KCTD18: variants seen among roughly 807,000 people sequenced by gnomAD.
KCTD18 encodes the protein potassium channel tetramerization domain containing 18.
KCTD18 carries 22 observed loss-of-function variants against 30.4 expected under a neutral mutation model. That is an observed-to-expected ratio of 0.72 (90% CI 0.52 to 1.03). KCTD18 has a LOEUF of 1.03. KCTD18 is among the 50% of genes least tolerant of loss of function. KCTD18 has a pLI of 0.00. For synonymous variants in KCTD18, 186 were observed against 209.0 expected (o/e 0.89, Z 0.95); for missense variants, 529 against 547.6 (o/e 0.97, Z 0.34).
chr2:200,498,472 G>A (rs1395857137), intron 4 of KCTD18, among the ~76,000 whole-genome samples: 3 of 152,180 alleles, frequency 2.0e-5, no homozygotes, highest in Middle Eastern at 3.2e-3. Context: ...CAAGTGCTTC[G>A]TCATTTCTCA....
chr2:200,493,203 T>C lies in KCTD18; in HGVS notation c.733A>G (p.Ser245Gly), dbSNP rs752431948. The change falls in exon 6 of 7, where the codon AGC becomes GGC. Residue 245 changes from serine (S) to glycine (G), a missense_variant. Ser to Gly is a moderately conservative substitution (Grantham distance 56). Transcript: ENST00000359878. Reference protein sequence around the residue: ...WTLEERPLLGSLRHMAPIRKR... With the variant: ...WTLEERPLLGGLRHMAPIRKR... The stretch of plus-strand genomic sequence containing the variant: ...CGAATTGGAGCCATGTGACGCAGGC[T>C]TCCAAGTAAAGGCCGTTCTTCTAGA... 8.7e-6 allele frequency: 14 copies of C among 1,612,618 alleles called. No individual in the cohort carries two copies. The highest frequency in any genetic ancestry group is 1.2e-5 in the Non-Finnish European group (14 of 1,178,848).
rs1047175861 is a variant in KCTD18, at chr2:200,500,410, G to A, written c.373-1326C>T. 2.2e-3 allele frequency among the ~76,000 whole-genome samples: 328 copies of A among 152,170 alleles called. 1 individual carries two copies. The highest frequency in any genetic ancestry group is 7.5e-3 in the African/African-American group (313 of 41,496). On this transcript the variant is annotated intron_variant, in intron 3 of 6. Coordinates refer to ENST00000359878, the MANE Select transcript of KCTD18 (RefSeq NM_152387.4). ...CTGTCTCAGCCCAAAATCTCCTTAAGCTGATAAGCAACTTCAGCAAAGTCT... is the reference window on the plus strand; with the variant it reads ...CTGTCTCAGCCCAAAATCTCCTTAAACTGATAAGCAACTTCAGCAAAGTCT...
In KCTD18 at chr2:200,490,382, G is replaced by A. The variant is rs774348783; in HGVS notation, c.999C>T (p.Ala333=). The part of the protein sequence containing the change: ...AQRSAPSRAT[A]LVGTGAPGHP... ...GCCCAGGTGCCCCCGTGCCCACCAG[G>A]GCCGTGGCTCTGGAAGGTGCAGAGC... The change falls in exon 7 of 7, where the codon GCC becomes GCT. Residue 333 remains alanine (A), a synonymous_variant. Transcript: ENST00000359878. The A allele has an allele frequency of 6.2e-7, 1 of 1,614,084 alleles. No individual in the cohort carries two copies. Among genetic ancestry groups the A allele is most frequent in the African/African-American group, 1.3e-5 (1 of 74,930 alleles).
In KCTD18 at chr2:200,493,186, A is replaced by T; in HGVS notation, c.750T>A (p.Ala250=). The part of the protein sequence containing the change: ...RPLLGSLRHM[A]PIRKRRLITF... ...GCATAGATAACCTCTTTCGAATTGG[A>T]GCCATGTGACGCAGGCTTCCAAGTA... Residue 250 remains alanine (A), a synonymous_variant, in exon 6 of 7, where the codon GCT becomes GCA. Coordinates refer to ENST00000359878, the MANE Select transcript of KCTD18 (RefSeq NM_152387.4). The T allele has an allele frequency of 1.2e-6, 2 of 1,607,700 alleles. No homozygotes were observed. Among genetic ancestry groups the T allele is most frequent in the Non-Finnish European group, 1.7e-6 (2 of 1,174,172 alleles).
At chr2:200,493,026 T>C in intron 6 of KCTD18, 146 bp downstream of exon 6, 2 of 592,974 alleles carry the variant, frequency 3.4e-6, no homozygotes, top group Non-Finnish European at 6.0e-6. Context: ...TCAAGATCTA[T>C]ATTTTGATGG....
intron 1 of KCTD18, among the ~76,000 whole-genome samples, chr2:200,507,885 GC>G (rs2030281532): frequency 6.6e-6 from 1 of 152,032 alleles, no homozygotes; most frequent in Non-Finnish European, 1.5e-5. Context: ...TGTTGCCCAG[GC>G]TAGTCTTGAA....
At position 200,499,003 on chromosome 2, in the gene KCTD18, CA is replaced by C. The variant is rs775775945; in HGVS notation, c.453del (p.Gly152ValfsTer53). ...TVWVLHYLNT[S>X]GASCESRIIG... Reference sequence around the variant, plus strand: ...ATAATTCTACTCTCACAGCTTGCACCAGATGTGTTAAGATAGTGGAGAACCC... The same window carrying C: ...ATAATTCTACTCTCACAGCTTGCACCGATGTGTTAAGATAGTGGAGAACCC... On this transcript the variant is annotated frameshift_variant, in exon 4 of 7. Transcript: ENST00000359878. LOFTEE classifies it high-confidence loss of function. 6.2e-7 allele frequency: 1 copy of C among 1,613,878 alleles called. No individual in the cohort carries two copies. The highest frequency in any genetic ancestry group is 1.1e-5 in the South Asian group (1 of 91,066).
rs2087890773 is a variant in KCTD18 at position 200,490,289 on chromosome 2, C to T, written c.1092G>A (p.Val364=). The T allele has an allele frequency of 6.2e-7, 1 of 1,614,116 alleles. No individual in the cohort carries two copies. The highest frequency in any genetic ancestry group is 1.7e-5 in the Admixed American group (1 of 60,000). Reference sequence around the variant, plus strand: ...GTGTAGGCTTCTTGTCGGAGAGTAGCACCTTAGCTGGAGGTAAGTGCGTGC... The same window carrying T: ...GTGTAGGCTTCTTGTCGGAGAGTAGTACCTTAGCTGGAGGTAAGTGCGTGC... ...NGGTHLPPAK[V]LLSDKKPTPQ... The change falls in exon 7 of 7, where the codon GTG becomes GTA. Residue 364 remains valine (V), a synonymous_variant. Transcript: ENST00000359878.
rs1288769993 is a variant in KCTD18 at position 200,509,938 on chromosome 2, G to A, written c.-386C>T. On this transcript the variant is annotated 5_prime_UTR_variant, in exon 1 of 7. Coordinates refer to ENST00000359878, the MANE Select transcript of KCTD18 (RefSeq NM_152387.4). ...CTCAGGGCGCCCCGCCGCCTTCCGG[G>A]CCCGCGGCCCATCCCGCGCCCGGCT... 1 of 150,860 alleles carries A rather than the reference G, an allele frequency of 6.6e-6. No homozygotes were observed. Among genetic ancestry groups the A allele is most frequent in the Non-Finnish European group, 1.5e-5 (1 of 67,702 alleles). The allele number at this position is 150,860 out of a possible 1,614,324, so 9.3% of individuals were successfully genotyped here.
chr2:200,498,757 T>A, intron 4 of KCTD18, 134 bp downstream of exon 4: 2 of 723,222 alleles, frequency 2.8e-6, no homozygotes, highest in Middle Eastern at 7.7e-4. Flanking sequence ...CTATCTCAAC[T>A]GCTATGATGG....
At chr2:200,507,825 T>G (rs1344689024) in intron 1 of KCTD18, among the ~76,000 whole-genome samples, 1 of 152,180 alleles carries the variant, frequency 6.6e-6, no homozygotes, top group Admixed American at 6.5e-5. Context: ...AGATTATAAT[T>G]CTTCTTTTAA....
At chr2:200,504,999 G>T in intron 2 of KCTD18, 40 bp from the exon 3 acceptor site, 1 of 1,503,856 alleles carries the variant, frequency 6.6e-7, no homozygotes, top group Non-Finnish European at 9.2e-7. Context: ...TAGAGATTCT[G>T]TCGATCAATA....
intron 3 of KCTD18, among the ~76,000 whole-genome samples, chr2:200,503,158 G>C (rs913522285): frequency 6.6e-6 from 1 of 152,224 alleles, no homozygotes; most frequent in South Asian, 2.1e-4. Context: ...CTTTACTGCT[G>C]TAAGTACTCT....
At chr2:200,499,898 GAATCCAGCA>G (rs1559184352) in intron 3 of KCTD18, among the ~76,000 whole-genome samples, 2 of 148,996 alleles carry the variant, frequency 1.3e-5, no homozygotes, top group Admixed American at 6.7e-5. Flanking sequence ...CTAGCAAACC[GAATCCAGCA>G]GCACATCAAA....
At chr2:200,492,633 C>T (rs2087936623) in intron 6 of KCTD18, among the ~76,000 whole-genome samples, 1 of 152,116 alleles carries the variant, frequency 6.6e-6, no homozygotes, top group African/African-American at 2.4e-5. Context: ...ATGAATAAAA[C>T]CCAGACACTG....
intron 1 of KCTD18, among the ~76,000 whole-genome samples, chr2:200,508,313 C>A (rs1048326532): frequency 6.6e-6 from 1 of 152,172 alleles, no homozygotes; most frequent in African/African-American, 2.4e-5. Context: ...TGGTCTCCAA[C>A]TCCTGACCTC....
intron 6 of KCTD18, among the ~76,000 whole-genome samples, chr2:200,491,313 C>T (rs903942556): frequency 3.9e-5 from 6 of 152,282 alleles, no homozygotes; most frequent in African/African-American, 1.4e-4. Flanking sequence ...GAGGCCTCAC[C>T]AGAAGCATAT....
intron 1 of KCTD18, among the ~76,000 whole-genome samples, chr2:200,507,516 C>A (rs566494025): frequency 1.9e-4 from 29 of 152,300 alleles, no homozygotes; most frequent in Non-Finnish European, 3.2e-4. Context: ...GGATCTTGGG[C>A]AAATTACTTA....
At chr2:200,495,614 T>C (rs1473227883) in intron 5 of KCTD18, among the ~76,000 whole-genome samples, 1 of 152,184 alleles carries the variant, frequency 6.6e-6, no homozygotes, top group African/African-American at 2.4e-5. Context: ...AAAAAATTGT[T>C]TTTATTAAAT....
Sources: gnomAD v4.1 joint callset for allele counts (sites outside exome capture counted in the v4.1 genomes callset) on GRCh38, gnomAD v4.1.1 for gene constraint, MANE v1.5 for transcripts, NCBI Gene and HGNC (gene_info 2026-07-23, HGNC 2026-07-21) for gene names.